The following XRRA1 variants were observed in gnomAD, a reference collection of about 807,000 sequenced individuals.
The protein encoded by XRRA1 is X-ray radiation resistance associated 1.
Under a neutral mutation model 80.2 loss-of-function variants are expected in XRRA1, and 69 were observed. That is an observed-to-expected ratio of 0.86 (90% CI 0.71 to 1.05). The LOEUF (loss-of-function observed/expected upper bound fraction) is 1.05, where lower values mean the gene tolerates loss of function less well. Ranked by LOEUF, XRRA1 falls within the 50% of genes least tolerant of loss-of-function variation. XRRA1 has a pLI of 0.00. For synonymous variants in XRRA1, 348 were observed against 389.9 expected, an observed-to-expected ratio of 0.89 and a Z score of 1.27; for missense variants, 967 against 976.4, an observed-to-expected ratio of 0.99 and a Z score of 0.13.
chr11:74,859,095 G>A lies in XRRA1; in HGVS notation c.1170+63C>T, dbSNP rs923555477. The A allele has an allele frequency of 3.3e-6, 5 of 1,508,220 alleles. No homozygotes were observed. The Admixed American group carries it at 1.3e-4, about 38-fold the overall frequency. 93.4% of individuals were successfully genotyped at this position (1,508,220 alleles called of 1,614,324 possible). Reference sequence around the variant, plus strand: ...ATGGAGGGTTGGTTTTTAGGCCAGAGCAACTTGCATCCCACCTTCCCATCT... The same window carrying A: ...ATGGAGGGTTGGTTTTTAGGCCAGAACAACTTGCATCCCACCTTCCCATCT... On this transcript the variant is annotated intron_variant, in intron 12 of 18. Transcript: ENST00000684022.
chr11:74,880,263 G>A (rs1324351542), intron 10 of XRRA1, among the ~76,000 whole-genome samples: 1 of 152,184 alleles, frequency 6.6e-6, no homozygotes, highest in African/African-American at 2.4e-5. Flanking sequence ...AGAGATGTTT[G>A]TAGTATTCTC....
rs573423651 is a variant in XRRA1, at chr11:74,908,775, T to C, written c.657-1502A>G. The stretch of plus-strand genomic sequence containing the variant: ...AATGTTTAAGCAAAACCATGAGGAA[T>C]GGAGAGGGAATTGTCATGCTTTTAA... On this transcript the variant is annotated intron_variant, in intron 8 of 18. Transcript: ENST00000684022. Among the ~76,000 whole-genome samples, 148 of 152,088 alleles carry C rather than the reference T, an allele frequency of 9.7e-4. 1 individual carries two copies. The highest frequency in any genetic ancestry group is 3.5e-3 in the African/African-American group (144 of 41,482).
Position 74,852,541 on chromosome 11 carries a change from A to T in XRRA1, c.1171-459T>A, listed in dbSNP as rs75332273. Among the ~76,000 whole-genome samples the T allele has an allele frequency of 5.9e-5, 9 of 152,326 alleles. No homozygotes were observed. In the East Asian group the frequency reaches 1.7e-3, roughly 29 times the overall value. On this transcript the variant is annotated intron_variant, in intron 12 of 18. Coordinates refer to ENST00000684022, the MANE Select transcript of XRRA1 (RefSeq NM_001378157.1). Reference sequence around the variant, plus strand: ...CAGCACAAACCTCTACACACTTCTGATGGCTCTTTCACTGAGGCCAGTCCT... The same window carrying T: ...CAGCACAAACCTCTACACACTTCTGTTGGCTCTTTCACTGAGGCCAGTCCT...
intron 6 of XRRA1, among the ~76,000 whole-genome samples, chr11:74,928,041 A>G (rs1942687592): frequency 6.6e-6 from 1 of 152,256 alleles, no homozygotes; most frequent in South Asian, 2.1e-4. Flanking sequence ...ATGTCAAAAC[A>G]TATAGATATG....
chr11:74,860,582 C>T (rs1001191583), intron 11 of XRRA1, among the ~76,000 whole-genome samples: 3 of 152,224 alleles, frequency 2.0e-5, no homozygotes, highest in Admixed American at 6.5e-5. Context: ...TCTAGATTTT[C>T]AGATGTCAGA....
chr11:74,861,688 T>C (rs775006810), intron 11 of XRRA1, among the ~76,000 whole-genome samples: 5 of 152,112 alleles, frequency 3.3e-5, no homozygotes, highest in Non-Finnish European at 7.3e-5. Flanking sequence ...CATGGAAAAA[T>C]TGTCTTCCAC....
At chr11:74,850,544 A>G (rs1373727551) in intron 14 of XRRA1, among the ~76,000 whole-genome samples, 1 of 152,202 alleles carries the variant, frequency 6.6e-6, no homozygotes, top group Non-Finnish European at 1.5e-5. Context: ...ACTAAAGTTC[A>G]GGAGGGAGGA....
At chr11:74,921,808 G>A (rs1322347931) in intron 7 of XRRA1, among the ~76,000 whole-genome samples, 1 of 152,094 alleles carries the variant, frequency 6.6e-6, no homozygotes. Flanking sequence ...TAGGTATCTG[G>A]CATATGTATA....
chr11:74,886,816 A>G (rs1336956511), intron 10 of XRRA1, among the ~76,000 whole-genome samples: 2 of 152,354 alleles, frequency 1.3e-5, no homozygotes, highest in African/African-American at 4.8e-5. Context: ...ACTTAAAACT[A>G]TACTACAAGG....
intron 10 of XRRA1, among the ~76,000 whole-genome samples, chr11:74,904,854 A>G (rs1255175155): frequency 6.6e-6 from 1 of 151,410 alleles, no homozygotes; most frequent in Non-Finnish European, 1.5e-5. Context: ...GATAAAAGTC[A>G]CAAACCTAAT....
At chr11:74,928,676 T>C (rs1942824522) in intron 6 of XRRA1, among the ~76,000 whole-genome samples, 1 of 152,204 alleles carries the variant, frequency 6.6e-6, no homozygotes, top group South Asian at 2.1e-4. Context: ...TTAAATATGG[T>C]AGTCTTGTAA....
Position 74,890,311 on chromosome 11 carries a change from C to T in XRRA1, c.1003+15928G>A, listed in dbSNP as rs1243652778. Among the ~76,000 whole-genome samples, 11 of 152,182 alleles carry T rather than the reference C, an allele frequency of 7.2e-5. No homozygotes were observed. The South Asian group carries it at 1.0e-3, about 14-fold the overall frequency. On this transcript the variant is annotated intron_variant, in intron 10 of 18. Coordinates refer to ENST00000684022, the MANE Select transcript of XRRA1 (RefSeq NM_001378157.1). ...TGCTCCTGAATGACTACTGGGTACACAACGAAATGAAGGCAGAAATAAAGA... is the reference window on the plus strand; with the variant it reads ...TGCTCCTGAATGACTACTGGGTACATAACGAAATGAAGGCAGAAATAAAGA...
At position 74,877,379 on chromosome 11, in the gene XRRA1, C is replaced by G. The variant is rs995474446; in HGVS notation, c.1004-14358G>C. Among the ~76,000 whole-genome samples the G allele has an allele frequency of 2.0e-5, 3 of 152,122 alleles. No individual in the cohort carries two copies. In the South Asian group the frequency reaches 6.2e-4, roughly 32 times the overall value. ...GGTGGAGGCAACTAGTATTACAACC[C>G]ATCAAATGGCTATCAGGTATCAAAC... On this transcript the variant is annotated intron_variant, in intron 10 of 18. Transcript: ENST00000684022.
At position 74,945,665 on chromosome 11, in the gene XRRA1, A is replaced by T. The variant is rs185125872; in HGVS notation, c.-72-580T>A. ...AAGATCTTTATATGGTAGAAAAAAA[A>T]GTCAAAGTTCCAGATTTGGAGGCTG... On this transcript the variant is annotated intron_variant, in intron 1 of 18. Transcript: ENST00000684022. Among the ~76,000 whole-genome samples, 7 of 152,232 alleles carry T rather than the reference A, an allele frequency of 4.6e-5. No homozygotes were observed. In the East Asian group the frequency reaches 1.4e-3, roughly 29 times the overall value.
intron 10 of XRRA1, among the ~76,000 whole-genome samples, chr11:74,870,160 A>T (rs1384374951): frequency 6.6e-6 from 1 of 152,176 alleles, no homozygotes; most frequent in Non-Finnish European, 1.5e-5. Context: ...CCATCTCAAG[A>T]CTTAGACAAC....
At position 74,852,127 on chromosome 11, in the gene XRRA1, A is replaced by G. The variant is rs1410586212; in HGVS notation, c.1171-45T>C. ...GACTCTCAGGTTGACACCACCCCTCACCTCTACCCAGGTATGTCTAGGCCC... is the reference window on the plus strand; with the variant it reads ...GACTCTCAGGTTGACACCACCCCTCGCCTCTACCCAGGTATGTCTAGGCCC... On this transcript the variant is annotated intron_variant, in intron 12 of 18. Coordinates refer to ENST00000684022, the MANE Select transcript of XRRA1 (RefSeq NM_001378157.1). 2.6e-6 allele frequency: 4 copies of G among 1,520,332 alleles called. No individual in the cohort carries two copies. In the South Asian group the frequency reaches 4.5e-5, roughly 17 times the overall value. The allele number at this position is 1,520,332 out of a possible 1,614,324, so 94.2% of individuals were successfully genotyped here.
At position 74,848,342 on chromosome 11, in the gene XRRA1, G is replaced by C. The variant is rs72986701; in HGVS notation, c.1501C>G (p.Leu501Val). The C allele has an allele frequency of 1.2e-6, 2 of 1,613,928 alleles. No individual in the cohort carries two copies. Among genetic ancestry groups the C allele is most frequent in the South Asian group, 2.2e-5 (2 of 91,044 alleles). ...ACAGAAGTGCTTTTGGTAGTGGGCA[G>C]ATCTTCAGCCAGCTCTGCCTCTGGC... ...LEPEAELAEDLPTTKSTSVES... is the reference protein window; with the variant it reads ...LEPEAELAEDVPTTKSTSVES... The change falls in exon 15 of 19, where the codon CTG (leucine) becomes GTG (valine). Residue 501 changes from leucine (L) to valine (V), a missense_variant. Physicochemically the swap from Leu to Val is conservative, Grantham distance 32. Coordinates refer to ENST00000684022, the MANE Select transcript of XRRA1 (RefSeq NM_001378157.1).
intron 4 of XRRA1, among the ~76,000 whole-genome samples, chr11:74,935,614 G>A (rs1944775533): frequency 6.6e-6 from 1 of 152,162 alleles, no homozygotes; most frequent in Admixed American, 6.5e-5. Flanking sequence ...ATAACCTCAG[G>A]TACTGGCTTG....
chr11:74,930,207 A>G, intron 6 of XRRA1, 93 bp downstream of exon 6: 2 of 1,086,932 alleles, frequency 1.8e-6, no homozygotes, highest in Non-Finnish European at 2.7e-6. Flanking sequence ...TGTGTGGCCA[A>G]TCATAGATGG....
Sources: allele counts gnomAD v4.1 joint callset (sites outside exome capture counted in the v4.1 genomes callset), GRCh38; gene constraint gnomAD v4.1.1; transcripts MANE v1.5; gene names NCBI Gene and HGNC (gene_info 2026-07-23, HGNC 2026-07-21).